The following GPATCH1 variants were observed in gnomAD, a reference collection of about 807,000 sequenced individuals.
The protein encoded by GPATCH1 is G patch domain-containing protein 1.
A neutral mutation model predicts 114.9 loss-of-function variants in GPATCH1; 73 were observed. The ratio of observed to expected loss-of-function variants is 0.64; its 90% CI spans 0.53 to 0.77. The LOEUF (loss-of-function observed/expected upper bound fraction) is 0.77. Ranked by LOEUF, GPATCH1 falls within the 30% of genes least tolerant of loss-of-function variation. GPATCH1 has a pLI of 0.00. For missense variants in GPATCH1, 1,058 were observed against 1,144.3 expected, an observed-to-expected ratio of 0.92 and a Z score of 1.09; for synonymous variants, 391 against 428.4, an observed-to-expected ratio of 0.91 and a Z score of 1.08.
chr19:33,115,153 C>T (rs1266903585), intron 15 of GPATCH1, among the ~76,000 whole-genome samples: 1 of 150,354 alleles, frequency 6.7e-6, no homozygotes, highest in African/African-American at 2.5e-5. Context: ...GCTCGAACGC[C>T]CAGGTTCAAG....
intron 17 of GPATCH1, among the ~76,000 whole-genome samples, chr19:33,122,802 C>T (rs10410232): frequency 0.078 from 11,870 of 151,988 alleles, 667 homozygotes; most frequent in African/African-American, 0.16. Flanking sequence ...CGGTGGCTCA[C>T]GCCTATAATC....
chr19:33,085,753 A>G (rs767698591), intron 1 of GPATCH1, among the ~76,000 whole-genome samples: 5 of 152,338 alleles, frequency 3.3e-5, no homozygotes, highest in Non-Finnish European at 5.9e-5. Flanking sequence ...TGTCATTAGT[A>G]GCAGTAATTA....
intron 9 of GPATCH1, among the ~76,000 whole-genome samples, chr19:33,104,856 A>G (rs1236748398): frequency 1.3e-5 from 2 of 152,174 alleles, no homozygotes; most frequent in Non-Finnish European, 2.9e-5. Context: ...AAAAGTCTAG[A>G]AAATAGCTTA....
At chr19:33,128,136 G>C (rs920090752) in intron 19 of GPATCH1, among the ~76,000 whole-genome samples, 2 of 152,146 alleles carry the variant, frequency 1.3e-5, no homozygotes, top group Admixed American at 1.3e-4. Flanking sequence ...GACCCAGGCT[G>C]GAGTGCAGTG....
chr19:33,115,982 T>C (rs2145333156), intron 15 of GPATCH1, among the ~76,000 whole-genome samples: 1 of 152,316 alleles, frequency 6.6e-6, no homozygotes, highest in South Asian at 2.1e-4. Context: ...TCTTTTGGAT[T>C]ACTTGAATAA....
chr19:33,096,507 T>C, intron 7 of GPATCH1, 61 bp downstream of exon 7: 1 of 1,383,512 alleles, frequency 7.2e-7, no homozygotes, highest in Non-Finnish European at 9.9e-7. Context: ...ACTTTCTTTC[T>C]TTCTTCTTTT....
chr19:33,102,963 G>A (rs200783634), intron 9 of GPATCH1, among the ~76,000 whole-genome samples: 2 of 152,138 alleles, frequency 1.3e-5, no homozygotes, highest in Non-Finnish European at 2.9e-5. Flanking sequence ...AGAGCTCTGC[G>A]TGCCTTTGCA....
intron 3 of GPATCH1, among the ~76,000 whole-genome samples, chr19:33,091,865 C>T (rs551706392): frequency 4.6e-5 from 7 of 152,202 alleles, no homozygotes; most frequent in East Asian, 3.9e-4. Context: ...TAGAAGGAAA[C>T]ATATCTCATG....
chr19:33,090,883 T>A lies in GPATCH1; in HGVS notation c.294+18T>A, dbSNP rs554445389. 3.3e-6 allele frequency: 5 copies of A among 1,519,964 alleles called. No individual in the cohort carries two copies. Among genetic ancestry groups the A allele is most frequent in the Non-Finnish European group, 3.7e-6 (4 of 1,094,764 alleles). 94.2% of individuals were successfully genotyped at this position (1,519,964 alleles called of 1,614,324 possible). ...ATGAAGAGGTGCGTGTGCAAAACTTTAATTGCCAATTAGCTGGTGGGACAG... is the reference window on the plus strand; with the variant it reads ...ATGAAGAGGTGCGTGTGCAAAACTTAAATTGCCAATTAGCTGGTGGGACAG... On this transcript the variant is annotated intron_variant, in intron 3 of 19. Transcript: ENST00000170564.
At chr19:33,118,131 C>T (rs537684383) in intron 16 of GPATCH1, 90 bp downstream of exon 16, 50 of 786,468 alleles carry the variant, frequency 6.4e-5, no homozygotes, top group Middle Eastern at 2.4e-4. Flanking sequence ...ATCTTAAACC[C>T]GAATGATTAG....
At chr19:33,093,096 G>C (rs1452747016) in intron 3 of GPATCH1, among the ~76,000 whole-genome samples, 1 of 152,152 alleles carries the variant, frequency 6.6e-6, no homozygotes, top group Non-Finnish European at 1.5e-5. Flanking sequence ...GCTGAGGCAG[G>C]AGAATCACTT....
intron 1 of GPATCH1, among the ~76,000 whole-genome samples, chr19:33,083,107 G>A (rs982234086): frequency 1.2e-5 from 1 of 83,780 alleles, no homozygotes. Flanking sequence ...TGGGCGTGGT[G>A]GGGGGGGGCT....
At chr19:33,095,375 C>T (rs1023592638) in intron 5 of GPATCH1, among the ~76,000 whole-genome samples, 1 of 151,336 alleles carries the variant, frequency 6.6e-6, no homozygotes, top group Non-Finnish European at 1.5e-5. Flanking sequence ...GATTCTCCTG[C>T]CTCAGCCTCC....
chr19:33,129,621 G>C (rs757643832), intron 19 of GPATCH1, among the ~76,000 whole-genome samples: 2 of 151,968 alleles, frequency 1.3e-5, no homozygotes, highest in African/African-American at 2.4e-5. Context: ...GTGAGTCTCT[G>C]TGTGTTTTCA....
chr19:33,125,374 AT>A (rs1352010952), intron 18 of GPATCH1, among the ~76,000 whole-genome samples, 172 bp downstream of exon 18: 5 of 149,722 alleles, frequency 3.3e-5, no homozygotes, highest in Non-Finnish European at 5.9e-5. Context: ...TTTCAGAAAC[AT>A]TTTCTTTTGC....
At chr19:33,124,910 A>G (rs185869920) in intron 17 of GPATCH1, among the ~76,000 whole-genome samples, 195 bp from the exon 18 acceptor site, 462 of 152,166 alleles carry the variant, frequency 3.0e-3, no homozygotes, top group Admixed American at 6.3e-3. Context: ...ACAGCTTTCT[A>G]AGTACAACTC....
chr19:33,118,418 A>T (rs1417498390), intron 16 of GPATCH1, among the ~76,000 whole-genome samples: 1 of 152,002 alleles, frequency 6.6e-6, no homozygotes, highest in African/African-American at 2.4e-5. Context: ...ACCTCAGGTG[A>T]TCTGCCCACC....
At chr19:33,102,257 C>T (rs916010660) in intron 9 of GPATCH1, among the ~76,000 whole-genome samples, 4 of 151,900 alleles carry the variant, frequency 2.6e-5, no homozygotes, top group African/African-American at 7.3e-5. Context: ...ATTGCTTGAA[C>T]CTGGGTGGCA....
chr19:33,096,092 G>T (rs1362558910), intron 6 of GPATCH1, 115 bp from the exon 7 acceptor site: 4 of 1,087,134 alleles, frequency 3.7e-6, no homozygotes, highest in Non-Finnish European at 5.4e-6. Context: ...CAGCACCAAT[G>T]AAAGTTTGCT....
Sources: allele counts gnomAD v4.1 joint callset (sites outside exome capture counted in the v4.1 genomes callset), GRCh38; gene constraint gnomAD v4.1.1; transcripts MANE v1.5; gene names NCBI Gene and HGNC (gene_info 2026-07-23, HGNC 2026-07-21).